The following TSPAN5 variants were observed in gnomAD, a reference collection of about 807,000 sequenced individuals.
TSPAN5 encodes tetraspanin-5.
TSPAN5 carries 10 observed loss-of-function variants against 37.1 expected under a neutral mutation model. The ratio of observed to expected loss-of-function variants is 0.27; its 90% confidence interval spans 0.17 to 0.46. The LOEUF (loss-of-function observed/expected upper bound fraction) is 0.46. TSPAN5 is among the 20% of genes least tolerant of loss of function. The pLI is 1.00. For synonymous variants in TSPAN5, 110 were observed against 118.9 expected, an observed-to-expected ratio of 0.93 and a Z score of 0.48; for missense variants, 195 against 326.6, an observed-to-expected ratio of 0.60 and a Z score of 3.11.
chr4:98,477,734 T>G (rs979906714), intron 5 of TSPAN5, among the ~76,000 whole-genome samples: 1 of 151,436 alleles, frequency 6.6e-6, no homozygotes, highest in Non-Finnish European at 1.5e-5. Flanking sequence ...TGATCATGGC[T>G]CACTGCAGCC....
At position 98,528,421 on chromosome 4, in the gene TSPAN5, T is replaced by G. The variant is rs926994377; in HGVS notation, c.82-20693A>C. Among the ~76,000 whole-genome samples, 15 of 152,158 alleles carry G rather than the reference T, an allele frequency of 9.9e-5. No homozygotes were observed. The East Asian group carries it at 2.7e-3, about 27-fold the overall frequency. On this transcript the variant is annotated intron_variant, in intron 1 of 7. Coordinates refer to ENST00000305798, the MANE Select transcript of TSPAN5 (RefSeq NM_005723.4). ...AATTAAATGTAACAGATGATTTTTT[T>G]TTTTTTTTTTGCTGTCACTAAAACA...
chr4:98,556,235 T>C (rs753261925), intron 1 of TSPAN5, among the ~76,000 whole-genome samples: 3 of 152,140 alleles, frequency 2.0e-5, no homozygotes, highest in African/African-American at 4.8e-5. Flanking sequence ...ACACAGATGA[T>C]TGTTATACAA....
chr4:98,589,681 C>G (rs1366789826), intron 1 of TSPAN5, among the ~76,000 whole-genome samples: 1 of 152,228 alleles, frequency 6.6e-6, no homozygotes, highest in African/African-American at 2.4e-5. Context: ...AAAACAGAAA[C>G]AGCAACAATG....
chr4:98,495,446 A>G (rs1753181443), intron 2 of TSPAN5, among the ~76,000 whole-genome samples: 1 of 150,322 alleles, frequency 6.7e-6, no homozygotes, highest in Admixed American at 6.7e-5. Flanking sequence ...AATGGCATGA[A>G]CCCGGGAGGC....
intron 1 of TSPAN5, among the ~76,000 whole-genome samples, chr4:98,538,795 T>C (rs889777397): frequency 2.6e-5 from 4 of 152,250 alleles, no homozygotes; most frequent in Non-Finnish European, 4.4e-5. Flanking sequence ...GTTTGTTGTA[T>C]ACTGATTTTC....
At chr4:98,499,869 C>G (rs1351351930) in intron 2 of TSPAN5, among the ~76,000 whole-genome samples, 1 of 151,890 alleles carries the variant, frequency 6.6e-6, no homozygotes, top group African/African-American at 2.4e-5. Flanking sequence ...ACCGTGTTAG[C>G]CAGCATGGTT....
At chr4:98,503,502 T>C (rs1172778987) in intron 2 of TSPAN5, among the ~76,000 whole-genome samples, 2 of 152,114 alleles carry the variant, frequency 1.3e-5, no homozygotes, top group Non-Finnish European at 2.9e-5. Context: ...AGACTTATTC[T>C]GTGGGATCCA....
chr4:98,530,682 G>A (rs1341501218), intron 1 of TSPAN5, among the ~76,000 whole-genome samples: 1 of 152,062 alleles, frequency 6.6e-6, no homozygotes, highest in African/African-American at 2.4e-5. Flanking sequence ...GTAAACTAGA[G>A]CAGTTATTAG....
chr4:98,544,238 G>A (rs1286260777), intron 1 of TSPAN5, among the ~76,000 whole-genome samples: 1 of 152,138 alleles, frequency 6.6e-6, no homozygotes, highest in Non-Finnish European at 1.5e-5. Flanking sequence ...AATTTAATTA[G>A]CAAGCTAAAC....
intron 1 of TSPAN5, among the ~76,000 whole-genome samples, chr4:98,638,213 T>A (rs1408129849): frequency 1.3e-5 from 2 of 152,130 alleles, no homozygotes; most frequent in Admixed American, 1.3e-4. Context: ...CGCTCAAAAA[T>A]CAAGCACTCC....
intron 1 of TSPAN5, among the ~76,000 whole-genome samples, chr4:98,532,633 G>C (rs929265806): frequency 6.7e-6 from 1 of 149,954 alleles, no homozygotes; most frequent in Non-Finnish European, 1.5e-5. Context: ...TCTGAAAACA[G>C]GGACAATTTG....
In TSPAN5 at chr4:98,651,550, T is replaced by C. The variant is rs556503267; in HGVS notation, c.81+6596A>G. On this transcript the variant is annotated intron_variant, in intron 1 of 7. Coordinates refer to ENST00000305798, the MANE Select transcript of TSPAN5 (RefSeq NM_005723.4). ...AATACATACTCAACTGTTTGTGTGATAGCCAACATGCTGGCAACTTTGTCT... is the reference window on the plus strand; with the variant it reads ...AATACATACTCAACTGTTTGTGTGACAGCCAACATGCTGGCAACTTTGTCT... 1.2e-4 allele frequency among the ~76,000 whole-genome samples: 18 copies of C among 152,370 alleles called. No individual in the cohort carries two copies. In the South Asian group the frequency reaches 3.7e-3, roughly 32 times the overall value.
intron 1 of TSPAN5, among the ~76,000 whole-genome samples, chr4:98,551,197 T>C (rs528839425): frequency 6.6e-6 from 1 of 152,328 alleles, no homozygotes; most frequent in African/African-American, 2.4e-5. Flanking sequence ...TTTGCACATG[T>C]TGAATCATCC....
chr4:98,648,488 G>A (rs6821935), intron 1 of TSPAN5, among the ~76,000 whole-genome samples: 8,164 of 152,234 alleles, frequency 0.054, 509 homozygotes, highest in East Asian at 0.24. Flanking sequence ...TGTGCCTATC[G>A]AATAAATGGC....
intron 1 of TSPAN5, among the ~76,000 whole-genome samples, chr4:98,529,634 C>T (rs541341885): frequency 1.3e-5 from 2 of 152,252 alleles, no homozygotes; most frequent in South Asian, 2.1e-4. Flanking sequence ...GGGAAAACCC[C>T]AATTCAAACC....
intron 1 of TSPAN5, among the ~76,000 whole-genome samples, chr4:98,644,133 G>A (rs1224875536): frequency 6.6e-6 from 1 of 150,848 alleles, no homozygotes; most frequent in Non-Finnish European, 1.5e-5. Flanking sequence ...TTTTTTTTCT[G>A]GTTGTGTGAA....
chr4:98,491,517 G>A lies in TSPAN5; in HGVS notation c.133-4633C>T, dbSNP rs1753084829. Among the ~76,000 whole-genome samples, 2 of 152,054 alleles carry A rather than the reference G, an allele frequency of 1.3e-5. 1 individual carries two copies. The highest frequency in any genetic ancestry group is 1.3e-4 in the Admixed American group (2 of 15,264). On this transcript the variant is annotated intron_variant, in intron 2 of 7. Coordinates refer to ENST00000305798, the MANE Select transcript of TSPAN5 (RefSeq NM_005723.4). ...ATCCTGGCCAACACAGTGAAACCCA[G>A]TCTCAACTAAAAATACACAAATGAG...
intron 1 of TSPAN5, among the ~76,000 whole-genome samples, chr4:98,563,311 C>T (rs768177772): frequency 5.3e-5 from 8 of 152,076 alleles, no homozygotes; most frequent in Non-Finnish European, 1.0e-4. Flanking sequence ...TTTGCCTAGG[C>T]TTCATTTTAA....
Position 98,496,356 on chromosome 4 carries a change from C to T in TSPAN5, c.133-9472G>A, listed in dbSNP as rs965291498. On this transcript the variant is annotated intron_variant, in intron 2 of 7. Transcript: ENST00000305798. Reference sequence around the variant, plus strand: ...AGGAATGAGAAGAAAGCCTGTCAGGCCCTGAACAGTCCAGGGAGATGTAAG... The same window carrying T: ...AGGAATGAGAAGAAAGCCTGTCAGGTCCTGAACAGTCCAGGGAGATGTAAG... 3.3e-5 allele frequency: 5 copies of T among 152,324 alleles called. No homozygotes were observed. In the East Asian group the frequency reaches 7.7e-4, roughly 24 times the overall value. 9.4% of individuals were successfully genotyped at this position (152,324 alleles called of 1,614,324 possible). A position where few individuals can be genotyped will look rare whatever the true frequency, so the allele number is the denominator to read the frequency against.
Sources: gnomAD v4.1 joint callset for allele counts (sites outside exome capture counted in the v4.1 genomes callset) on GRCh38, gnomAD v4.1.1 for gene constraint, MANE v1.5 for transcripts, NCBI Gene and HGNC (gene_info 2026-07-23, HGNC 2026-07-21) for gene names.